The following TRPS1 variants were observed in gnomAD, a reference collection of about 807,000 sequenced individuals.
The protein encoded by TRPS1 is transcriptional repressor GATA binding 1, also known as zinc finger transcription factor Trps1.
A neutral mutation model predicts 101.2 loss-of-function variants in TRPS1; 6 were observed. The observed-to-expected ratio is 0.06, with a 90% CI of 0.03 to 0.12. The LOEUF is 0.12. Ranked by LOEUF, TRPS1 falls within the 10% of genes least tolerant of loss-of-function variation. The probability of loss-of-function intolerance (pLI) is 1.00; values close to 1 mark genes in which losing one functional copy is unlikely to be tolerated. For missense variants in TRPS1, 1,363 were observed against 1,567.0 expected (o/e 0.87, Z 2.20); for synonymous variants, 578 against 589.8 (o/e 0.98, Z 0.29).
chr8:115,442,956 C>G (rs1451343540), intron 5 of TRPS1, among the ~76,000 whole-genome samples: 4 of 151,980 alleles, frequency 2.6e-5, no homozygotes, highest in Non-Finnish European at 5.9e-5. Flanking sequence ...ATTAGCCGGA[C>G]GTGGTGGCGG....
intron 5 of TRPS1, among the ~76,000 whole-genome samples, chr8:115,513,062 A>G (rs1402862496): frequency 6.6e-6 from 1 of 151,724 alleles, no homozygotes; most frequent in Non-Finnish European, 1.5e-5. Flanking sequence ...AATATTTTCA[A>G]AAAAGATTGT....
In TRPS1 at chr8:115,497,178, T is replaced by G. The variant is rs147434851; in HGVS notation, c.2701-78726A>C. On this transcript the variant is annotated intron_variant, in intron 5 of 6. Transcript: ENST00000395715. ...CTCTGTTTGGCACCAGGGACAGGTT[T>G]TGTGGAAGACAATTTTTCCACAGAT... 8.1e-3 allele frequency among the ~76,000 whole-genome samples: 1,229 copies of G among 152,332 alleles called. 18 individuals carry two copies. Among genetic ancestry groups the G allele is most frequent in the African/African-American group, 0.028 (1,167 of 41,578 alleles).
At chr8:115,574,362 C>T (rs990754615) in intron 5 of TRPS1, among the ~76,000 whole-genome samples, 1 of 152,006 alleles carries the variant, frequency 6.6e-6, no homozygotes, top group Non-Finnish European at 1.5e-5. Flanking sequence ...TATTTAAATT[C>T]GGACACTCAC....
intron 5 of TRPS1, among the ~76,000 whole-genome samples, chr8:115,424,226 T>A (rs1586260098): frequency 1.3e-5 from 2 of 152,254 alleles, no homozygotes; most frequent in South Asian, 4.1e-4. Context: ...TATATAATGT[T>A]AGTATGAATA....
chr8:115,450,638 A>C (rs1255214553), intron 5 of TRPS1, among the ~76,000 whole-genome samples: 2 of 152,128 alleles, frequency 1.3e-5, no homozygotes, highest in Non-Finnish European at 2.9e-5. Context: ...TGCGTCAGGA[A>C]CTTCTTTCTT....
At chr8:115,510,830 T>G (rs572353015) in intron 5 of TRPS1, among the ~76,000 whole-genome samples, 1 of 152,066 alleles carries the variant, frequency 6.6e-6, no homozygotes, top group Non-Finnish European at 1.5e-5. Flanking sequence ...TATCTCCATT[T>G]TGAATGCCAA....
chr8:115,428,072 G>C lies in TRPS1; in HGVS notation c.2701-9620C>G, dbSNP rs1432045207. ...GTTGGGGCAAGAAAAATGGTGCTGGGGTTTTGACATGCTCTGTAAACACAC... is the reference window on the plus strand; with the variant it reads ...GTTGGGGCAAGAAAAATGGTGCTGGCGTTTTGACATGCTCTGTAAACACAC... On this transcript the variant is annotated intron_variant, in intron 5 of 6. Coordinates refer to ENST00000395715, the MANE Select transcript of TRPS1 (RefSeq NM_014112.5). Among the ~76,000 whole-genome samples the C allele has an allele frequency of 5.3e-5, 8 of 152,012 alleles. No homozygotes were observed. The South Asian group carries it at 1.2e-3, about 24-fold the overall frequency.
At chr8:115,537,342 A>C (rs1012265020) in intron 5 of TRPS1, among the ~76,000 whole-genome samples, 5 of 152,292 alleles carry the variant, frequency 3.3e-5, no homozygotes, top group Admixed American at 3.3e-4. Flanking sequence ...TATACATGTA[A>C]ATGTTTGAGA....
intron 5 of TRPS1, among the ~76,000 whole-genome samples, chr8:115,454,777 T>G (rs1166181750): frequency 6.6e-6 from 1 of 152,182 alleles, no homozygotes; most frequent in East Asian, 1.9e-4. Context: ...CCAAAAATTG[T>G]TACAATGCAT....
At chr8:115,506,219 T>A (rs546859165) in intron 5 of TRPS1, among the ~76,000 whole-genome samples, 1 of 151,552 alleles carries the variant, frequency 6.6e-6, no homozygotes, top group Non-Finnish European at 1.5e-5. Flanking sequence ...TACAAATTTG[T>A]AGGGGAAAAA....
In TRPS1 at chr8:115,604,020, T is replaced by C. The variant is rs377283311; in HGVS notation, c.1949A>G (p.His650Arg). ...TTTGACATCCGATGCTTGGGACTCATGCACACTTTCATAGTGAAAGAGGAG... is the reference window on the plus strand; with the variant it reads ...TTTGACATCCGATGCTTGGGACTCACGCACACTTTCATAGTGAAAGAGGAG... Reference protein sequence around the residue: ...DVLLFHYESVHESQASDVKQE... With the variant: ...DVLLFHYESVRESQASDVKQE... The change falls in exon 4 of 7, where the codon CAT becomes CGT. Residue 650 changes from histidine to arginine, a missense_variant. Around this residue, in one of 5 missense-constraint regions of TRPS1, gnomAD observed 1,020 missense variants for 1,073.0 expected, o/e 0.95. Coordinates refer to ENST00000395715, the MANE Select transcript of TRPS1 (RefSeq NM_014112.5). The surrounding 1 kb of genome is among the most constrained non-coding windows in gnomAD (Gnocchi z 4.1). 5 of 1,614,024 alleles carry C rather than the reference T, an allele frequency of 3.1e-6. No individual in the cohort carries two copies. The highest frequency in any genetic ancestry group is 4.2e-6 in the Non-Finnish European group (5 of 1,179,968).
intron 5 of TRPS1, among the ~76,000 whole-genome samples, chr8:115,525,454 G>A (rs557735878): frequency 2.8e-3 from 420 of 152,210 alleles, no homozygotes; most frequent in Non-Finnish European, 3.2e-3. Context: ...GTATGCCAGT[G>A]TATAAGATAT....
intron 5 of TRPS1, among the ~76,000 whole-genome samples, chr8:115,505,813 G>A (rs900419189): frequency 2.0e-5 from 3 of 152,060 alleles, no homozygotes; most frequent in Non-Finnish European, 2.9e-5. Flanking sequence ...CTGTGAAAAC[G>A]TAGGACATAT....
At position 115,620,004 on chromosome 8, in the gene TRPS1, G is replaced by T; in HGVS notation, c.94C>A (p.Gln32Lys). 6.2e-7 allele frequency: 1 copy of T among 1,614,122 alleles called. No individual in the cohort carries two copies. Among genetic ancestry groups the T allele is most frequent in the Non-Finnish European group, 8.5e-7 (1 of 1,180,018 alleles). ...LRNVASEGEG[Q>K]ILEPIGTESK... The stretch of plus-strand genomic sequence containing the variant: ...TCTGTACCTATAGGCTCCAGGATCT[G>T]GCCCTCGCCTTCACTTGCAACGTTT... The change falls in exon 3 of 7, where the codon CAG (glutamine) becomes AAG (lysine). Residue 32 changes from glutamine to lysine, a missense_variant. Physicochemically the swap from Gln to Lys is moderately conservative, Grantham distance 53 (BLOSUM62 1). Coordinates refer to ENST00000395715, the MANE Select transcript of TRPS1 (RefSeq NM_014112.5).
At chr8:115,648,433 G>A (rs1586493420) in intron 1 of TRPS1, among the ~76,000 whole-genome samples, 1 of 152,202 alleles carries the variant, frequency 6.6e-6, no homozygotes, top group African/African-American at 2.4e-5. Context: ...CGTGGTGGCG[G>A]CCGCAGGCCC....
intron 5 of TRPS1, among the ~76,000 whole-genome samples, chr8:115,467,950 T>C (rs935087723): frequency 3.3e-5 from 5 of 152,156 alleles, no homozygotes; most frequent in African/African-American, 1.2e-4. Flanking sequence ...ACGACATCAA[T>C]TAGAATGACT....
chr8:115,590,806 T>C (rs1364945966), intron 4 of TRPS1, among the ~76,000 whole-genome samples: 1 of 152,144 alleles, frequency 6.6e-6, no homozygotes, highest in Admixed American at 6.6e-5. Flanking sequence ...AATAAGTAAA[T>C]AAATGAGAGT....
chr8:115,573,279 T>C (rs1022382400), intron 5 of TRPS1, among the ~76,000 whole-genome samples: 23 of 152,128 alleles, frequency 1.5e-4, no homozygotes, highest in African/African-American at 5.6e-4. Context: ...CTCTGTAAAA[T>C]GGAGAAAATA....
rs1463215635 is a variant in TRPS1 at position 115,418,289 on chromosome 8, C to A, written c.2823+41G>T. The stretch of plus-strand genomic sequence containing the variant: ...CACACCACAGACCAGGCCAACACTG[C>A]TTTATAAAGCTTTTCCTGAAAGAGT... On this transcript the variant is annotated intron_variant, in intron 6 of 6. Coordinates refer to ENST00000395715, the MANE Select transcript of TRPS1 (RefSeq NM_014112.5). The surrounding 1 kb of genome is among the most constrained non-coding windows in gnomAD (Gnocchi z 4.3). The A allele has an allele frequency of 1.2e-6, 2 of 1,613,830 alleles. No individual in the cohort carries two copies. Among genetic ancestry groups the A allele is most frequent in the Non-Finnish European group, 8.5e-7 (1 of 1,179,800 alleles).
Sources: gnomAD v4.1 joint callset for allele counts (sites outside exome capture counted in the v4.1 genomes callset) on GRCh38, gnomAD v4.1.1 for gene constraint, gnomAD v4.1.1 regional missense constraint, Gnocchi (gnomAD v3.1) non-coding constraint, MANE v1.5 for transcripts, NCBI Gene and HGNC (gene_info 2026-07-23, HGNC 2026-07-21) for gene names.